APBB2: variants seen among roughly 807,000 people sequenced by gnomAD.
APBB2 encodes the protein amyloid beta precursor protein binding family B member 2, also known as Fe65-like 1.
APBB2 carries 38 observed loss-of-function variants against 82.5 expected under a neutral mutation model. That is an observed-to-expected ratio of 0.46 (90% CI 0.36 to 0.60). APBB2 has a LOEUF of 0.60. Ranked by LOEUF, APBB2 falls within the 20% of genes least tolerant of loss-of-function variation. The pLI is 0.00. For synonymous variants in APBB2, 341 were observed against 368.2 expected (o/e 0.93, Z 0.85); for missense variants, 772 against 972.3 (o/e 0.79, Z 2.74).
intron 12 of APBB2, among the ~76,000 whole-genome samples, chr4:40,839,595 A>G (rs924653130): frequency 6.6e-6 from 1 of 152,168 alleles, no homozygotes; most frequent in African/African-American, 2.4e-5. Flanking sequence ...CATATTATAA[A>G]TGAGGAAAAA....
chr4:40,943,359 A>G (rs1233217217), intron 7 of APBB2, among the ~76,000 whole-genome samples: 1 of 152,254 alleles, frequency 6.6e-6, no homozygotes. Context: ...AAATGGTTAT[A>G]GGCTTGGAAT....
At chr4:41,160,850 A>T (rs1764962404) in intron 1 of APBB2, among the ~76,000 whole-genome samples, 1 of 152,114 alleles carries the variant, frequency 6.6e-6, no homozygotes, top group African/African-American at 2.4e-5. Context: ...TATATCTACC[A>T]CTTATTGAAC....
chr4:40,822,073 T>C (rs569733449), intron 16 of APBB2, 23 bp from the exon 17 acceptor site: 1 of 1,612,566 alleles, frequency 6.2e-7, no homozygotes, highest in Non-Finnish European at 8.5e-7. Flanking sequence ...TTATGCGGCA[T>C]CCAATCAGGA....
chr4:41,029,197 G>A (rs1715703525), intron 5 of APBB2, among the ~76,000 whole-genome samples: 1 of 152,176 alleles, frequency 6.6e-6, no homozygotes, highest in Non-Finnish European at 1.5e-5. Flanking sequence ...CCTGAGGAAT[G>A]TCACTGTTTG....
At chr4:41,159,703 G>T (rs1278902330) in intron 1 of APBB2, among the ~76,000 whole-genome samples, 1 of 151,882 alleles carries the variant, frequency 6.6e-6, no homozygotes, top group Non-Finnish European at 1.5e-5. Flanking sequence ...CCTCTAAGCT[G>T]CAGAAAAAGC....
At chr4:40,972,176 C>T (rs1290469414) in intron 6 of APBB2, among the ~76,000 whole-genome samples, 2 of 152,078 alleles carry the variant, frequency 1.3e-5, no homozygotes, top group Non-Finnish European at 2.9e-5. Flanking sequence ...TGCTTGTAAT[C>T]CCAGCACTTT....
chr4:41,133,844 C>T (rs975419444), intron 2 of APBB2, among the ~76,000 whole-genome samples: 1 of 152,156 alleles, frequency 6.6e-6, no homozygotes, highest in Non-Finnish European at 1.5e-5. Context: ...CTTCTTCCTT[C>T]CTTCTCTAAG....
At chr4:41,137,082 C>A (rs1455924431) in intron 2 of APBB2, among the ~76,000 whole-genome samples, 1 of 152,138 alleles carries the variant, frequency 6.6e-6, no homozygotes, top group Non-Finnish European at 1.5e-5. Flanking sequence ...ATACAGCTAG[C>A]ATTTTATACT....
intron 2 of APBB2, among the ~76,000 whole-genome samples, chr4:41,123,201 A>G (rs1753388432): frequency 6.6e-6 from 1 of 151,796 alleles, no homozygotes; most frequent in African/African-American, 2.4e-5. Context: ...AGGGTCCCCA[A>G]GGAGGGGCTT....
intron 1 of APBB2, chr4:41,207,972 C>G (rs1778375340): frequency 6.6e-6 from 1 of 152,250 alleles, no homozygotes; most frequent in Non-Finnish European, 1.5e-5. Context: ...GACATATTCA[C>G]TACATCATTA....
intron 1 of APBB2, among the ~76,000 whole-genome samples, chr4:41,186,899 C>G: frequency 6.6e-6 from 1 of 152,166 alleles, no homozygotes; most frequent in East Asian, 1.9e-4. Flanking sequence ...ACTCCAAATC[C>G]ATGCATTTGA....
chr4:41,044,740 T>C (rs1053719317), intron 4 of APBB2, among the ~76,000 whole-genome samples: 26 of 152,216 alleles, frequency 1.7e-4, no homozygotes, highest in Admixed American at 1.4e-3. Context: ...TTCCCTTTTT[T>C]GTCTAGATGC....
At chr4:40,890,291 G>C in intron 12 of APBB2, 73 bp downstream of exon 12, 1 of 1,530,720 alleles carries the variant, frequency 6.5e-7, no homozygotes, top group Non-Finnish European at 8.8e-7. Flanking sequence ...AATGCTGCGA[G>C]CCCATGCTTT....
chr4:41,063,557 G>A (rs999647586), intron 4 of APBB2, among the ~76,000 whole-genome samples: 10 of 152,134 alleles, frequency 6.6e-5, no homozygotes, highest in South Asian at 2.1e-4. Context: ...TTGTTGGTCC[G>A]AATCCCTATT....
chr4:41,027,889 T>C lies in APBB2; in HGVS notation c.19+5347A>G, dbSNP rs530327260. ...GATTCTGCCATCCCCTCCACGTCTATTCATCATGCTATGTTGAGTGTGATT... is the reference window on the plus strand; with the variant it reads ...GATTCTGCCATCCCCTCCACGTCTACTCATCATGCTATGTTGAGTGTGATT... On this transcript the variant is annotated intron_variant, in intron 5 of 17. Transcript: ENST00000508593. Among the ~76,000 whole-genome samples the C allele has an allele frequency of 2.6e-5, 4 of 152,382 alleles. No individual in the cohort carries two copies. In the South Asian group the frequency reaches 8.3e-4, roughly 32 times the overall value.
intron 1 of APBB2, among the ~76,000 whole-genome samples, chr4:41,144,282 C>T (rs1203486390): frequency 2.0e-5 from 3 of 152,082 alleles, no homozygotes; most frequent in East Asian, 1.9e-4. Flanking sequence ...AACCTCAGTC[C>T]CAAAAATCAT....
intron 6 of APBB2, among the ~76,000 whole-genome samples, chr4:40,967,272 T>C (rs900804566): frequency 1.3e-5 from 2 of 152,162 alleles, no homozygotes; most frequent in Admixed American, 1.3e-4. Context: ...TCATTCTTCC[T>C]GGACGTAGGA....
chr4:41,133,556 G>A (rs1580305192), intron 2 of APBB2, among the ~76,000 whole-genome samples: 1 of 152,204 alleles, frequency 6.6e-6, no homozygotes, highest in Admixed American at 6.5e-5. Context: ...AAAGGGTTCT[G>A]TATAGCTTAA....
In APBB2 at chr4:40,890,817, T is replaced by C. The variant is rs1771796530; in HGVS notation, c.1402-326A>G. ...TGGTTTCCCTGGAGAATACGTCTTT[T>C]ACTAATTCCATGCCCATCAAACTCT... On this transcript the variant is annotated intron_variant, in intron 11 of 17. Coordinates refer to ENST00000508593, the MANE Select transcript of APBB2 (RefSeq NM_004307.2). 1.9e-5 allele frequency: 4 copies of C among 206,444 alleles called. No homozygotes were observed. The South Asian group carries it at 3.1e-4, about 16-fold the overall frequency. The allele number at this position is 206,444 out of a possible 1,614,324, so 12.8% of individuals were successfully genotyped here.
Sources: allele counts gnomAD v4.1 joint callset (sites outside exome capture counted in the v4.1 genomes callset), GRCh38; gene constraint gnomAD v4.1.1; transcripts MANE v1.5; gene names NCBI Gene and HGNC (gene_info 2026-07-23, HGNC 2026-07-21).